TECPR2: variants seen among roughly 807,000 people sequenced by gnomAD.
TECPR2 encodes the protein tectonin beta-propeller repeat containing 2, also known as tectonin beta-propeller repeat-containing protein 2.
A neutral mutation model predicts 138.1 loss-of-function variants in TECPR2; 65 were observed. That is an observed-to-expected ratio of 0.47 (90% CI 0.39 to 0.58). TECPR2 has a LOEUF of 0.58. Ranked by LOEUF, TECPR2 falls within the 20% of genes least tolerant of loss-of-function variation. TECPR2 has a pLI of 0.00. For missense variants in TECPR2, 1,553 were observed against 1,824.5 expected (o/e 0.85, Z 2.71); for synonymous variants, 746 against 749.8 (o/e 0.99, Z 0.08).
chr14:102,499,120 GC>G lies in TECPR2; in HGVS notation c.*865del, dbSNP rs1891377847. 2 of 702,924 alleles carry G rather than the reference GC, an allele frequency of 2.8e-6. No individual in the cohort carries two copies. The highest frequency in any genetic ancestry group is 1.7e-5 in the African/African-American group (1 of 57,252). The allele number at this position is 702,924 out of a possible 1,614,324, so 43.5% of individuals were successfully genotyped here. On this transcript the variant is annotated 3_prime_UTR_variant, in exon 20 of 20. Coordinates refer to ENST00000359520, the MANE Select transcript of TECPR2 (RefSeq NM_014844.5). ...AGCACACTTCAGCTGAAACAGTAAA[GC>G]CTGATGGGTGCAAATGGAACCTGGA... is the stretch of plus-strand genomic sequence containing the variant.
At chr14:102,479,591 G>T (rs970717514) in intron 17 of TECPR2, among the ~76,000 whole-genome samples, 1 of 152,208 alleles carries the variant, frequency 6.6e-6, no homozygotes, top group African/African-American at 2.4e-5. Context: ...TGATTCGCTG[G>T]ATTTGTGGTG....
At chr14:102,435,356 G>A in intron 9 of TECPR2, 145 bp downstream of exon 9, 1 of 1,253,520 alleles carries the variant, frequency 8.0e-7, no homozygotes, top group Non-Finnish European at 1.1e-6. Flanking sequence ...TCAAGTCTGG[G>A]TTTCAGGGGA....
In TECPR2 at chr14:102,432,573, T is replaced by G. The variant is rs369328374; in HGVS notation, c.1417+445T>G. Among the ~76,000 whole-genome samples, 28 of 152,234 alleles carry G rather than the reference T, an allele frequency of 1.8e-4. 2 individuals are homozygous for G. The highest frequency in any genetic ancestry group is 1.2e-3 in the Admixed American group (18 of 15,304). ...TGCATGCCCAGCGAATTTTGTATTTTTAGTAGATACAGGGTTTCTCCATGT... is the reference window on the plus strand; with the variant it reads ...TGCATGCCCAGCGAATTTTGTATTTGTAGTAGATACAGGGTTTCTCCATGT... On this transcript the variant is annotated intron_variant, in intron 8 of 19. Transcript: ENST00000359520.
In TECPR2 at chr14:102,485,732, C is replaced by G. The variant is rs1031665593; in HGVS notation, c.3790-11247C>G. Among the ~76,000 whole-genome samples the G allele has an allele frequency of 4.6e-5, 7 of 152,314 alleles. No homozygotes were observed. In the East Asian group the frequency reaches 1.3e-3, roughly 29 times the overall value. On this transcript the variant is annotated intron_variant, in intron 17 of 19. Transcript: ENST00000359520. ...GATGCTTGCCATGACCCTAGAGGAGCAGAGCCCAGAGATCATCTTTAGGGA... is the reference window on the plus strand; with the variant it reads ...GATGCTTGCCATGACCCTAGAGGAGGAGAGCCCAGAGATCATCTTTAGGGA...
intron 6 of TECPR2, among the ~76,000 whole-genome samples, chr14:102,427,409 A>C (rs1889352019): frequency 6.6e-6 from 1 of 152,166 alleles, no homozygotes; most frequent in Non-Finnish European, 1.5e-5. Context: ...ACCCTCAGAG[A>C]CTGGACCACC....
intron 2 of TECPR2, among the ~76,000 whole-genome samples, chr14:102,400,839 CT>C (rs1567324691): frequency 6.6e-6 from 1 of 151,510 alleles, no homozygotes; most frequent in African/African-American, 2.4e-5. Context: ...CAAGACTAGC[CT>C]GGCCAAGATG....
At chr14:102,457,406 CTTAT>C (rs537024970) in intron 16 of TECPR2, among the ~76,000 whole-genome samples, 38 of 152,124 alleles carry the variant, frequency 2.5e-4, no homozygotes, top group African/African-American at 7.9e-4. Context: ...TTAATAATTA[CTTAT>C]TTAAGTGAAA....
intron 2 of TECPR2, among the ~76,000 whole-genome samples, chr14:102,398,655 C>G (rs1189132868): frequency 6.6e-6 from 1 of 151,350 alleles, no homozygotes; most frequent in Non-Finnish European, 1.5e-5. Flanking sequence ...TGAGTTCAAG[C>G]TCAGCCTGGG....
chr14:102,496,835 G>A (rs1181979514), intron 17 of TECPR2, 144 bp from the exon 18 acceptor site: 28 of 1,230,914 alleles, frequency 2.3e-5, no homozygotes, highest in Non-Finnish European at 2.9e-5. Flanking sequence ...GGCACTAGGG[G>A]CAGGACGTGG....
At position 102,452,583 on chromosome 14, in the gene TECPR2, GC is replaced by G; in HGVS notation, c.3600del (p.Thr1201ArgfsTer13). The G allele has an allele frequency of 6.2e-7, 1 of 1,607,388 alleles. No individual in the cohort carries two copies. Among genetic ancestry groups the G allele is most frequent in the South Asian group, 1.1e-5 (1 of 89,792 alleles). ...QVFIRTLSKS[C>X]PTGMHWTRLD... ...TTCATCAGGACGCTCTCCAAGAGCT[GC>G]CCCACGGGCATGCACTGGACCAGGC... On this transcript the variant is annotated frameshift_variant, in exon 16 of 20. Coordinates refer to ENST00000359520, the MANE Select transcript of TECPR2 (RefSeq NM_014844.5). LOFTEE classifies it high-confidence loss of function.
intron 2 of TECPR2, among the ~76,000 whole-genome samples, chr14:102,385,230 C>A (rs1887964830): frequency 6.6e-6 from 1 of 152,048 alleles, no homozygotes. Flanking sequence ...CTCTTTTTAA[C>A]AACCTGCTGT....
Position 102,405,744 on chromosome 14 carries a change from T to C in TECPR2, c.220-1594T>C, listed in dbSNP as rs568735819. On this transcript the variant is annotated intron_variant, in intron 2 of 19. Transcript: ENST00000359520. The stretch of plus-strand genomic sequence containing the variant: ...TGTACACTCATATTCATAGGAGCCT[T>C]ATTCACAGTAGTTAAAATGGGGAAG... Among the ~76,000 whole-genome samples, 26 of 152,354 alleles carry C rather than the reference T, an allele frequency of 1.7e-4. No individual in the cohort carries two copies. The South Asian group carries it at 3.7e-3, about 22-fold the overall frequency.
chr14:102,467,614 C>T (rs148538334), intron 17 of TECPR2, among the ~76,000 whole-genome samples: 123 of 152,268 alleles, frequency 8.1e-4, no homozygotes, highest in African/African-American at 2.9e-3. Flanking sequence ...GCATGAGCCA[C>T]TGCGCCTGGC....
At chr14:102,497,303 G>C (rs2236349) in intron 18 of TECPR2, among the ~76,000 whole-genome samples, 183 bp downstream of exon 18, 3 of 152,082 alleles carry the variant, frequency 2.0e-5, no homozygotes, top group African/African-American at 7.2e-5. Context: ...GGGGAACCCA[G>C]GCCGTCCTGC....
intron 15 of TECPR2, 29 bp from the exon 16 acceptor site, chr14:102,452,365 T>G (rs764511453): frequency 6.3e-7 from 1 of 1,591,706 alleles, no homozygotes; most frequent in East Asian, 2.3e-5. Context: ...AGACAACACC[T>G]CGATGACAAA....
In TECPR2 at chr14:102,435,027, A is replaced by G; in HGVS notation, c.2210A>G (p.Lys737Arg). The stretch of plus-strand genomic sequence containing the variant: ...TCTGCCTTGGCAGCCAGCACTCACA[A>G]GCCCTGGCTTGAGCAGCCTCCACGG... ...PVSALAASTH[K>R]PWLEQPPRDQ... Residue 737 changes from lysine (K) to arginine (R), a missense_variant, in exon 9 of 20, where the codon AAG becomes AGG. Lys to Arg is a conservative substitution (Grantham distance 26). Transcript: ENST00000359520. 6.2e-7 allele frequency: 1 copy of G among 1,614,144 alleles called. No homozygotes were observed. Among genetic ancestry groups the G allele is most frequent in the Non-Finnish European group, 8.5e-7 (1 of 1,180,040 alleles).
intron 16 of TECPR2, among the ~76,000 whole-genome samples, chr14:102,463,426 A>G (rs1276429079): frequency 1.4e-5 from 2 of 147,676 alleles, no homozygotes; most frequent in Non-Finnish European, 3.0e-5. Context: ...CAAAAAAAAA[A>G]AAAAAAAAAA....
At chr14:102,460,797 C>T (rs1749752710) in intron 16 of TECPR2, among the ~76,000 whole-genome samples, 1 of 151,482 alleles carries the variant, frequency 6.6e-6, no homozygotes, top group Non-Finnish European at 1.5e-5. Flanking sequence ...CAGCTTCACG[C>T]CATCCTCCTG....
rs368107040 is a variant in TECPR2, at chr14:102,498,278, G to A, written c.*21G>A. ...TCTGAAGGAGCCCTGGCCGAGTCAC[G>A]CGGAGGGGCCCGGCGTCTGTGGCGG... On this transcript the variant is annotated 3_prime_UTR_variant, in exon 20 of 20. Transcript: ENST00000359520. The A allele has an allele frequency of 2.0e-5, 32 of 1,593,070 alleles. No homozygotes were observed. Among genetic ancestry groups the A allele is most frequent in the Middle Eastern group, 1.8e-4 (1 of 5,512 alleles).
Sources: allele counts gnomAD v4.1 joint callset (sites outside exome capture counted in the v4.1 genomes callset), GRCh38; gene constraint gnomAD v4.1.1; transcripts MANE v1.5; gene names NCBI Gene and HGNC (gene_info 2026-07-23, HGNC 2026-07-21).